Variants in MAP4K4 observed in about 807,000 individuals in gnomAD.
MAP4K4 encodes HPK/GCK-like kinase HGK.
A neutral mutation model predicts 189.6 loss-of-function variants in MAP4K4; 38 were observed. The ratio of observed to expected loss-of-function variants is 0.20; its 90% CI spans 0.15 to 0.26. The LOEUF (loss-of-function observed/expected upper bound fraction) is 0.26, where lower values mean the gene tolerates loss of function less well. Among genes scored for constraint, MAP4K4 ranks in the 10% least tolerant of loss-of-function variants. The pLI is 1.00. For missense variants in MAP4K4, 1,054 were observed against 1,726.9 expected (o/e 0.61, Z 6.91); for synonymous variants, 610 against 624.3 (o/e 0.98, Z 0.34).
At chr2:101,847,084 T>A (rs2097132647) in intron 12 of MAP4K4, among the ~76,000 whole-genome samples, 1 of 152,192 alleles carries the variant, frequency 6.6e-6, no homozygotes, top group African/African-American at 2.4e-5. Flanking sequence ...ATGATGGTGG[T>A]CCCATAAGAT....
Position 101,842,537 on chromosome 2 carries a change from C to A in MAP4K4, c.950-72C>A, listed in dbSNP as rs370349212. ...TTTATTTTCTGCCAAGGTGCTCCTGCAGATGCTTGTCTGAACAGGCGTGTG... is the reference window on the plus strand; with the variant it reads ...TTTATTTTCTGCCAAGGTGCTCCTGAAGATGCTTGTCTGAACAGGCGTGTG... On this transcript the variant is annotated intron_variant, in intron 10 of 32. Transcript: ENST00000324219. 4 of 1,064,130 alleles carry A rather than the reference C, an allele frequency of 3.8e-6. No homozygotes were observed. The African/African-American group carries it at 4.8e-5, about 13-fold the overall frequency. 65.9% of individuals were successfully genotyped at this position (1,064,130 alleles called of 1,614,324 possible).
intron 2 of MAP4K4, among the ~76,000 whole-genome samples, chr2:101,752,971 G>C (rs1004638519): frequency 9.9e-5 from 15 of 152,198 alleles, no homozygotes; most frequent in African/African-American, 3.1e-4. Flanking sequence ...GCAGACTGCA[G>C]GACAATGCCA....
chr2:101,867,157 A>G (rs1055772088), intron 19 of MAP4K4, 55 bp from the exon 20 acceptor site: 3 of 1,176,222 alleles, frequency 2.6e-6, no homozygotes, highest in African/African-American at 3.0e-5. Flanking sequence ...GCTTCATAAT[A>G]CACATCCATA....
intron 24 of MAP4K4, among the ~76,000 whole-genome samples, chr2:101,871,887 A>T (rs552592319): frequency 1.1e-4 from 17 of 152,058 alleles, no homozygotes; most frequent in Admixed American, 2.0e-4. Context: ...AGCTCCCCCA[A>T]ACTTGCCAGT....
intron 24 of MAP4K4, 88 bp downstream of exon 24, chr2:101,871,773 C>G: frequency 8.2e-7 from 1 of 1,216,966 alleles, no homozygotes; most frequent in East Asian, 2.6e-5. Context: ...TTTCCAACAC[C>G]CTCACCCCTT....
Position 101,820,219 on chromosome 2 carries a change from G to A in MAP4K4, c.181-3709G>A, listed in dbSNP as rs116788327. On this transcript the variant is annotated intron_variant, in intron 3 of 32. Transcript: ENST00000324219. The stretch of plus-strand genomic sequence containing the variant: ...GGAAGCCTTTCATGGGAGAATCATA[G>A]GTAGCATTTCTTTCTTTCAAGAAGT... 4.9e-3 allele frequency among the ~76,000 whole-genome samples: 751 copies of A among 152,206 alleles called. 5 individuals are homozygous for A. The highest frequency in any genetic ancestry group is 7.8e-3 in the Non-Finnish European group (529 of 68,000).
chr2:101,759,787 CCCTTCTCCCTTCCCTTCCCTCCCCTT>C (rs2075358252), intron 2 of MAP4K4, among the ~76,000 whole-genome samples: 1 of 101,588 alleles, frequency 9.8e-6, no homozygotes, highest in Non-Finnish European at 2.0e-5. Context: ...CTCTCCCCCT[CCCTTCTCCCTTCCCTTCCCTCCCCTT>C]CCCATCCCCC....
intron 2 of MAP4K4, among the ~76,000 whole-genome samples, chr2:101,742,676 G>T (rs2063396165): frequency 6.6e-6 from 1 of 152,230 alleles, no homozygotes; most frequent in Admixed American, 6.5e-5. Flanking sequence ...TCAGCTGGAG[G>T]TCTTGCTCAC....
At chr2:101,802,712 T>C (rs894407476) in intron 3 of MAP4K4, among the ~76,000 whole-genome samples, 2 of 152,188 alleles carry the variant, frequency 1.3e-5, no homozygotes, top group African/African-American at 4.8e-5. Context: ...ACTTAATGTA[T>C]ACCAGTGCCT....
At chr2:101,704,676 G>A (rs140012609) in intron 2 of MAP4K4, among the ~76,000 whole-genome samples, 34 of 145,932 alleles carry the variant, frequency 2.3e-4, no homozygotes, top group African/African-American at 7.9e-4. Context: ...AGGTTCAAGC[G>A]ACTCTCCTGA....
At chr2:101,870,099 G>A (rs374502777) in intron 22 of MAP4K4, 196 bp from the exon 23 acceptor site, 3 of 649,696 alleles carry the variant, frequency 4.6e-6, no homozygotes, top group Admixed American at 3.1e-5. Context: ...TTCATTCTAA[G>A]TTTTTGCTCA....
chr2:101,889,029 T>C, intron 32 of MAP4K4, 94 bp downstream of exon 32: 2 of 1,172,196 alleles, frequency 1.7e-6, no homozygotes, highest in Non-Finnish European at 2.3e-6. Context: ...CTTGGAGTTT[T>C]GATAAAAATA....
chr2:101,842,505 G>A, intron 10 of MAP4K4, 104 bp from the exon 11 acceptor site: 1 of 731,494 alleles, frequency 1.4e-6, no homozygotes, highest in Non-Finnish European at 2.2e-6. Flanking sequence ...TTTTCACAGG[G>A]AACTTGTTTA....
chr2:101,878,411 A>G (rs546196478), intron 27 of MAP4K4, among the ~76,000 whole-genome samples: 2 of 152,186 alleles, frequency 1.3e-5, no homozygotes, highest in African/African-American at 4.8e-5. Context: ...GTTAGGGTGT[A>G]TGCCATCCAG....
intron 16 of MAP4K4, chr2:101,862,072 T>A (rs1452092374): frequency 1.3e-5 from 2 of 151,430 alleles, no homozygotes; most frequent in Non-Finnish European, 2.9e-5. Context: ...CCATTTCTGC[T>A]AAAAATATAA....
chr2:101,809,260 A>T (rs192116630), intron 3 of MAP4K4, among the ~76,000 whole-genome samples: 6 of 152,082 alleles, frequency 3.9e-5, no homozygotes, highest in Admixed American at 3.9e-4. Flanking sequence ...ACTTTGGACA[A>T]TGTGGCTTTT....
chr2:101,806,101 A>G (rs2149064601), intron 3 of MAP4K4, among the ~76,000 whole-genome samples: 1 of 152,290 alleles, frequency 6.6e-6, no homozygotes, highest in Admixed American at 6.5e-5. Flanking sequence ...CTTACAGATC[A>G]TGAAGAAAGA....
chr2:101,794,152 AT>A (rs2148863858), intron 3 of MAP4K4, among the ~76,000 whole-genome samples: 1 of 152,282 alleles, frequency 6.6e-6, no homozygotes, highest in African/African-American at 2.4e-5. Context: ...CTCAAAGTGG[AT>A]GGTATTAGGA....
At chr2:101,779,992 A>G (rs2086488304) in intron 2 of MAP4K4, among the ~76,000 whole-genome samples, 1 of 152,230 alleles carries the variant, frequency 6.6e-6, no homozygotes, top group Admixed American at 6.5e-5. Context: ...TGGCTGCAAC[A>G]CAACAACAGA....
Sources: allele counts gnomAD v4.1 joint callset (sites outside exome capture counted in the v4.1 genomes callset), GRCh38; gene constraint gnomAD v4.1.1; transcripts MANE v1.5; gene names NCBI Gene and HGNC (gene_info 2026-07-23, HGNC 2026-07-21).